The following PARD3B variants were observed in gnomAD, a reference collection of about 807,000 sequenced individuals.
PARD3B encodes par-3 family cell polarity regulator beta, also known as partitioning defective 3 homolog B.
A neutral mutation model predicts 130.2 loss-of-function variants in PARD3B; 103 were observed. The ratio of observed to expected loss-of-function variants is 0.79; its 90% confidence interval spans 0.67 to 0.93. The LOEUF (loss-of-function observed/expected upper bound fraction) is 0.93, where lower values mean the gene tolerates loss of function less well. Ranked by LOEUF, PARD3B falls within the 40% of genes least tolerant of loss-of-function variation. The pLI, the probability that PARD3B is intolerant of heterozygous loss-of-function variation, is 0.00. For synonymous variants in PARD3B, 583 were observed against 553.2 expected (o/e 1.05, Z -0.76); for missense variants, 1,609 against 1,499.2 (o/e 1.07, Z -1.21).
intron 15 of PARD3B, among the ~76,000 whole-genome samples, chr2:205,240,269 G>C (rs1231117773): frequency 6.6e-6 from 1 of 152,074 alleles, no homozygotes; most frequent in African/African-American, 2.4e-5. Flanking sequence ...AGTTCTGAAG[G>C]AACAACTCTT....
At position 205,584,498 on chromosome 2, in the gene PARD3B, C is replaced by T. The variant is rs1374396993; in HGVS notation, c.3261-30958C>T. On this transcript the variant is annotated intron_variant, in intron 22 of 22. Transcript: ENST00000406610. The surrounding 1 kb of genome is among the most constrained non-coding windows in gnomAD (Gnocchi z 5.5). ...TTCGAGACCAGGCTGGCCAACATAG[C>T]GAAACCCCATCCCTACTAAAAATAC... Among the ~76,000 whole-genome samples, 5 of 152,000 alleles carry T rather than the reference C, an allele frequency of 3.3e-5. No individual in the cohort carries two copies. Among genetic ancestry groups the T allele is most frequent in the South Asian group, 2.1e-4 (1 of 4,796 alleles).
intron 3 of PARD3B, among the ~76,000 whole-genome samples, chr2:205,020,461 G>T (rs564182370): frequency 6.6e-6 from 1 of 152,062 alleles, no homozygotes; most frequent in Non-Finnish European, 1.5e-5. Flanking sequence ...AGTTAAATAA[G>T]AGGGTTATTC....
At chr2:205,171,102 T>C (rs2035150473) in intron 11 of PARD3B, among the ~76,000 whole-genome samples, 1 of 152,230 alleles carries the variant, frequency 6.6e-6, no homozygotes. Flanking sequence ...AGGTAATTTA[T>C]GGAAGAATTC....
intron 18 of PARD3B, among the ~76,000 whole-genome samples, chr2:205,335,379 T>C (rs1427137452): frequency 6.6e-6 from 1 of 152,204 alleles, no homozygotes. Context: ...GAACTCACTA[T>C]GCTCGTTGTA....
intron 20 of PARD3B, among the ~76,000 whole-genome samples, chr2:205,475,842 T>C (rs1000585967): frequency 6.6e-6 from 1 of 152,192 alleles, no homozygotes; most frequent in Non-Finnish European, 1.5e-5. Context: ...AGTGAAAGCC[T>C]CTGATTTGGT....
chr2:205,183,262 T>G lies in PARD3B; in HGVS notation c.1925-2502T>G, dbSNP rs185883361. On this transcript the variant is annotated intron_variant, in intron 13 of 22. Coordinates refer to ENST00000406610, the MANE Select transcript of PARD3B (RefSeq NM_001302769.2). The surrounding 1 kb of genome is among the most constrained non-coding windows in gnomAD (Gnocchi z 5.2). The stretch of plus-strand genomic sequence containing the variant: ...GAGATAAAGTTGTTTGCCAGGATCA[T>G]AGACCTTTATTCCGTAGGCAATGTG... 6.6e-6 allele frequency among the ~76,000 whole-genome samples: 1 copy of G among 152,292 alleles called. No homozygotes were observed. Among genetic ancestry groups the G allele is most frequent in the Admixed American group, 6.5e-5 (1 of 15,302 alleles).
intron 2 of PARD3B, among the ~76,000 whole-genome samples, chr2:204,777,364 A>G (rs994873882): frequency 6.6e-6 from 1 of 152,184 alleles, no homozygotes; most frequent in Non-Finnish European, 1.5e-5. Context: ...TTTAATGTGT[A>G]TGTTGGGGCT....
At chr2:205,391,860 CT>C (rs374779705) in intron 18 of PARD3B, among the ~76,000 whole-genome samples, 44 of 152,050 alleles carry the variant, frequency 2.9e-4, no homozygotes, top group African/African-American at 9.4e-4. Context: ...ATAAGTTTCC[CT>C]TTTTTTCCCC....
rs114971978 is a variant in PARD3B, at chr2:205,443,268, A to G, written c.3044+2596A>G. ...ATAGTATCCGTAAGCAGGAACCTAC[A>G]AATTCTAAACATACCATACGTACTG... On this transcript the variant is annotated intron_variant, in intron 20 of 22. Transcript: ENST00000406610. Among the ~76,000 whole-genome samples, 1,008 of 152,338 alleles carry G rather than the reference A, an allele frequency of 6.6e-3. 8 individuals are homozygous for G. The highest frequency in any genetic ancestry group is 0.022 in the African/African-American group (918 of 41,568).
intron 20 of PARD3B, among the ~76,000 whole-genome samples, chr2:205,492,290 G>A (rs1159632192): frequency 6.6e-6 from 1 of 152,088 alleles, no homozygotes; most frequent in Non-Finnish European, 1.5e-5. Context: ...GAAGGTTTGT[G>A]TTGTCTGTTT....
chr2:204,869,124 G>T (rs6733159), intron 2 of PARD3B, among the ~76,000 whole-genome samples: 133 of 152,104 alleles, frequency 8.7e-4, no homozygotes, highest in Non-Finnish European at 1.7e-3. Flanking sequence ...ATACAGATCA[G>T]ATGTGATTTG....
chr2:204,726,230 A>C (rs1288679834), intron 2 of PARD3B, among the ~76,000 whole-genome samples: 1 of 152,184 alleles, frequency 6.6e-6, no homozygotes, highest in East Asian at 1.9e-4. Context: ...TATGAAGAGT[A>C]ATGCAATTTT....
intron 2 of PARD3B, among the ~76,000 whole-genome samples, chr2:204,758,704 AC>A (rs1300265028): frequency 6.6e-6 from 1 of 152,104 alleles, no homozygotes; most frequent in Non-Finnish European, 1.5e-5. Context: ...TTGAAGGAGG[AC>A]AGCCATATAT....
intron 2 of PARD3B, among the ~76,000 whole-genome samples, chr2:204,938,408 G>A (rs945576824): frequency 7.2e-5 from 11 of 152,144 alleles, no homozygotes; most frequent in East Asian, 1.9e-4. Context: ...AATTCCACCC[G>A]TAGGGTTCTT....
chr2:205,123,150 T>C (rs2030954313), intron 8 of PARD3B, among the ~76,000 whole-genome samples: 1 of 152,002 alleles, frequency 6.6e-6, no homozygotes, highest in African/African-American at 2.4e-5. Context: ...AAAGGATAAG[T>C]AAAGGGTGCA....
intron 16 of PARD3B, among the ~76,000 whole-genome samples, chr2:205,261,165 G>A (rs1446059168): frequency 1.3e-5 from 2 of 152,076 alleles, no homozygotes; most frequent in African/African-American, 4.8e-5. Context: ...TGGCATGTGA[G>A]GTCATGTGCA....
At chr2:204,594,609 C>T (rs998448483) in intron 1 of PARD3B, among the ~76,000 whole-genome samples, 2 of 152,208 alleles carry the variant, frequency 1.3e-5, no homozygotes, top group African/African-American at 4.8e-5. Flanking sequence ...GCTCAGCTGC[C>T]ACCTGCAGTT....
At chr2:205,415,257 A>T (rs933666973) in intron 19 of PARD3B, among the ~76,000 whole-genome samples, 2 of 152,194 alleles carry the variant, frequency 1.3e-5, no homozygotes, top group Non-Finnish European at 2.9e-5. Context: ...ACGGCAACTT[A>T]AAAACTTGGC....
chr2:205,550,941 G>GTGTGTA lies in PARD3B; in HGVS notation c.3181-2382_3181-2381insGTGTAT, dbSNP rs1553542756. On this transcript the variant is annotated intron_variant, in intron 21 of 22. Transcript: ENST00000406610. This position sits in a 1 kb window ranked among gnomAD's most constrained non-coding sequence, Gnocchi z 4.5. ...TATAATTATGTGTGTGTGTGTGTGTGTATATATATATGTGTATATATATAT... is the reference window on the plus strand; with the variant it reads ...TATAATTATGTGTGTGTGTGTGTGTGTGTGTATATATATATATGTGTATATATATAT... Among the ~76,000 whole-genome samples the GTGTGTA allele has an allele frequency of 8.7e-6, 1 of 114,768 alleles. No homozygotes were observed. The highest frequency in any genetic ancestry group is 3.2e-5 in the African/African-American group (1 of 30,854). The allele number at this position is 114,768 out of a possible 152,430, so 75.3% of individuals were successfully genotyped here. A position where few individuals can be genotyped will look rare whatever the true frequency, so the allele number is the denominator to read the frequency against.
Sources: gnomAD v4.1 joint callset for allele counts (sites outside exome capture counted in the v4.1 genomes callset) on GRCh38, gnomAD v4.1.1 for gene constraint, Gnocchi (gnomAD v3.1) non-coding constraint, MANE v1.5 for transcripts, NCBI Gene and HGNC (gene_info 2026-07-23, HGNC 2026-07-21) for gene names.